MAST4: variants seen among roughly 807,000 people sequenced by gnomAD.
MAST4 encodes the protein microtubule-associated serine/threonine-protein kinase 4.
MAST4 carries 89 observed loss-of-function variants against 162.7 expected under a neutral mutation model. The observed-to-expected ratio is 0.55, with a 90% CI of 0.46 to 0.65. The LOEUF is 0.65. MAST4 is among the 30% of genes least tolerant of loss of function. The pLI, the probability that MAST4 is intolerant of heterozygous loss-of-function variation, is 0.00. For missense variants in MAST4, 3,153 were observed against 3,374.0 expected (o/e 0.93, Z 1.62); for synonymous variants, 1,479 against 1,361.1 (o/e 1.09, Z -1.91).
intron 1 of MAST4, among the ~76,000 whole-genome samples, chr5:66,693,922 C>T (rs1749225888): frequency 6.6e-6 from 1 of 152,068 alleles, no homozygotes; most frequent in Non-Finnish European, 1.5e-5. Context: ...GGGATTTGCT[C>T]CAACACTGAA....
At chr5:67,060,146 C>G (rs192397820) in intron 5 of MAST4, among the ~76,000 whole-genome samples, 3 of 152,148 alleles carry the variant, frequency 2.0e-5, no homozygotes, top group Non-Finnish European at 4.4e-5. Context: ...AAGGACCTTT[C>G]TCCTTTTGAT....
At chr5:66,737,774 T>C (rs1281758947) in intron 1 of MAST4, among the ~76,000 whole-genome samples, 1 of 152,140 alleles carries the variant, frequency 6.6e-6, no homozygotes, top group Non-Finnish European at 1.5e-5. Flanking sequence ...CAGCATAATT[T>C]CCAAGTCACT....
intron 4 of MAST4, among the ~76,000 whole-genome samples, chr5:66,957,817 T>C (rs1254136431): frequency 1.3e-5 from 2 of 151,858 alleles, no homozygotes; most frequent in East Asian, 1.9e-4. Context: ...AAAAATGGAG[T>C]GGAAGCAGCC....
intron 3 of MAST4, among the ~76,000 whole-genome samples, chr5:66,844,304 C>G (rs932211495): frequency 6.6e-6 from 1 of 151,930 alleles, no homozygotes; most frequent in East Asian, 1.9e-4. Context: ...CTTTGAAATG[C>G]AGGCACACAT....
chr5:66,787,869 C>T (rs1755188511), intron 2 of MAST4, among the ~76,000 whole-genome samples: 1 of 152,196 alleles, frequency 6.6e-6, no homozygotes, highest in Non-Finnish European at 1.5e-5. Flanking sequence ...GAAAATTAAA[C>T]ACAGTCTCTA....
At chr5:66,965,796 A>G (rs1330248591) in intron 4 of MAST4, among the ~76,000 whole-genome samples, 2 of 152,202 alleles carry the variant, frequency 1.3e-5, no homozygotes, top group Non-Finnish European at 2.9e-5. Context: ...TACTAAAGCT[A>G]AAAAGTTTGA....
chr5:67,081,000 T>G lies in MAST4; in HGVS notation c.764-9162T>G, dbSNP rs532119291. On this transcript the variant is annotated intron_variant, in intron 5 of 28. Coordinates refer to ENST00000403625, the MANE Select transcript of MAST4 (RefSeq NM_001164664.2). ...ATAATATATATAATTGTATATATTA[T>G]ATAATATAATATATAATTGTATATA... is the stretch of plus-strand genomic sequence containing the variant. Among the ~76,000 whole-genome samples, 66 of 132,288 alleles carry G rather than the reference T, an allele frequency of 5.0e-4. 3 individuals carry two copies. Among genetic ancestry groups the G allele is most frequent in the African/African-American group, 2.0e-3 (64 of 32,360 alleles). The allele number at this position is 132,288 out of a possible 152,430, so 86.8% of individuals were successfully genotyped here.
At chr5:66,641,869 C>T (rs1164780600) in intron 1 of MAST4, among the ~76,000 whole-genome samples, 1 of 152,112 alleles carries the variant, frequency 6.6e-6, no homozygotes, top group Non-Finnish European at 1.5e-5. Flanking sequence ...GAAGGATTGG[C>T]TTGTTACTTT....
chr5:67,035,274 C>A (rs1180333398), intron 4 of MAST4, among the ~76,000 whole-genome samples: 1 of 152,000 alleles, frequency 6.6e-6, no homozygotes, highest in African/African-American at 2.4e-5. Context: ...GCAAACAATT[C>A]CTTTCATTAG....
chr5:66,879,140 G>T (rs536250392), intron 3 of MAST4, among the ~76,000 whole-genome samples: 1 of 152,040 alleles, frequency 6.6e-6, no homozygotes, highest in African/African-American at 2.4e-5. Context: ...TTAGCTGGGC[G>T]TGGTGGCGGG....
chr5:66,977,203 C>G (rs996520368), intron 4 of MAST4, among the ~76,000 whole-genome samples: 9 of 152,132 alleles, frequency 5.9e-5, no homozygotes, highest in Admixed American at 1.3e-4. Flanking sequence ...TGGGTTCAAG[C>G]GATTCTTCTG....
At chr5:66,900,729 A>C (rs892614844) in intron 4 of MAST4, among the ~76,000 whole-genome samples, 160 of 150,744 alleles carry the variant, frequency 1.1e-3, no homozygotes, top group Non-Finnish European at 1.6e-3. Flanking sequence ...AAAAAAAAAT[A>C]GTATTTAAGA....
At chr5:67,058,590 T>C (rs948918749) in intron 5 of MAST4, among the ~76,000 whole-genome samples, 1 of 152,228 alleles carries the variant, frequency 6.6e-6, no homozygotes, top group Non-Finnish European at 1.5e-5. Context: ...ACATAGTTGT[T>C]ACAAAGAACA....
At chr5:67,117,590 A>ATATGTAACTAAAAAC (rs1767068214) in intron 12 of MAST4, among the ~76,000 whole-genome samples, 1 of 151,878 alleles carries the variant, frequency 6.6e-6, no homozygotes, top group Non-Finnish European at 1.5e-5. Context: ...GCACACAAAA[A>ATATGTAACTAAAAAC]TATGTAACTA....
chr5:66,953,766 A>G (rs1744970651), intron 4 of MAST4, among the ~76,000 whole-genome samples: 3 of 152,172 alleles, frequency 2.0e-5, no homozygotes, highest in African/African-American at 4.8e-5. Context: ...CTCTAGAGCA[A>G]GATTTCTAGA....
chr5:66,893,417 C>A (rs540147977), intron 3 of MAST4, among the ~76,000 whole-genome samples: 1 of 151,098 alleles, frequency 6.6e-6, no homozygotes, highest in African/African-American at 2.4e-5. Context: ...TTGGTAGAGA[C>A]GGGTTTCACC....
At chr5:67,144,475 C>T (rs1639314752) in intron 21 of MAST4, among the ~76,000 whole-genome samples, 194 bp from the exon 22 acceptor site, 1 of 152,020 alleles carries the variant, frequency 6.6e-6, no homozygotes. Flanking sequence ...CACACACACA[C>T]ACACACACAC....
chr5:66,730,867 C>A (rs76293144), intron 1 of MAST4, among the ~76,000 whole-genome samples: 3,351 of 150,986 alleles, frequency 0.022, 83 homozygotes, highest in African/African-American at 0.063. Flanking sequence ...CCCCCTCCCC[C>A]AAAAAAAATA....
chr5:67,017,780 G>A (rs925960684), intron 4 of MAST4, among the ~76,000 whole-genome samples: 3 of 151,728 alleles, frequency 2.0e-5, no homozygotes, highest in Admixed American at 2.0e-4. Flanking sequence ...CGTGTTTTTA[G>A]TAGAGACGGG....
Sources: gnomAD v4.1 joint callset for allele counts (sites outside exome capture counted in the v4.1 genomes callset) on GRCh38, gnomAD v4.1.1 for gene constraint, MANE v1.5 for transcripts, NCBI Gene and HGNC (gene_info 2026-07-23, HGNC 2026-07-21) for gene names.